TYR: variants seen among roughly 807,000 people sequenced by gnomAD.
TYR encodes tyrosinase, also known as LB24-AB.
Under a neutral mutation model 51.5 loss-of-function variants are expected in TYR, and 58 were observed. The ratio of observed to expected loss-of-function variants is 1.13; its 90% CI spans 0.91 to 1.40. The LOEUF (loss-of-function observed/expected upper bound fraction) is 1.40. Among genes scored for constraint, TYR ranks in the 40% most tolerant of loss-of-function variants. The pLI, the probability that TYR is intolerant of heterozygous loss-of-function variation, is 0.00. For synonymous variants in TYR, 263 were observed against 235.2 expected, an observed-to-expected ratio of 1.12 and a Z score of -1.08; for missense variants, 732 against 647.4, an observed-to-expected ratio of 1.13 and a Z score of -1.42.
intron 2 of TYR, among the ~76,000 whole-genome samples, chr11:89,196,183 C>T (rs1057338454): frequency 6.6e-6 from 1 of 152,080 alleles, no homozygotes; most frequent in Non-Finnish European, 1.5e-5. Flanking sequence ...TTACTGACAA[C>T]TTAGCAATCA....
chr11:89,257,362 G>A (rs576914331), intron 3 of TYR, among the ~76,000 whole-genome samples: 59 of 151,868 alleles, frequency 3.9e-4, no homozygotes, highest in Middle Eastern at 3.4e-3. Flanking sequence ...TTTTTCAAAC[G>A]AAGATTATTT....
At chr11:89,215,989 T>C (rs1174426949) in intron 2 of TYR, among the ~76,000 whole-genome samples, 1 of 152,210 alleles carries the variant, frequency 6.6e-6, no homozygotes, top group Non-Finnish European at 1.5e-5. Context: ...ATTTTTAGGA[T>C]TTATACAACA....
At chr11:89,280,415 G>A (rs1338692745) in intron 3 of TYR, among the ~76,000 whole-genome samples, 1 of 151,020 alleles carries the variant, frequency 6.6e-6, no homozygotes, top group Non-Finnish European at 1.5e-5. Flanking sequence ...TCTTTTCTTG[G>A]CCATATCAAT....
intron 2 of TYR, among the ~76,000 whole-genome samples, chr11:89,216,751 G>C (rs1943837965): frequency 6.6e-6 from 1 of 150,748 alleles, no homozygotes; most frequent in African/African-American, 2.4e-5. Flanking sequence ...AGATCTTCAA[G>C]ATCTGGTAGT....
intron 2 of TYR, among the ~76,000 whole-genome samples, chr11:89,202,189 A>G (rs1242542216): frequency 1.3e-5 from 2 of 152,136 alleles, no homozygotes; most frequent in Non-Finnish European, 2.9e-5. Flanking sequence ...ACACCCACAC[A>G]CTTATTTTTG....
chr11:89,212,565 G>A (rs904288969), intron 2 of TYR, among the ~76,000 whole-genome samples: 13 of 145,844 alleles, frequency 8.9e-5, no homozygotes, highest in Non-Finnish European at 1.2e-4. Context: ...GAAAAACAGG[G>A]AATCCTTCTT....
At chr11:89,197,611 T>C (rs1943537405) in intron 2 of TYR, among the ~76,000 whole-genome samples, 1 of 152,082 alleles carries the variant, frequency 6.6e-6, no homozygotes, top group Admixed American at 6.6e-5. Flanking sequence ...TTAGTGGCAT[T>C]AGTAGAATGC....
At chr11:89,238,252 T>C (rs1944145133) in intron 3 of TYR, among the ~76,000 whole-genome samples, 1 of 152,220 alleles carries the variant, frequency 6.6e-6, no homozygotes, top group South Asian at 2.1e-4. Flanking sequence ...TGTTTAAATT[T>C]ATTCCTAAGA....
rs189667954 is a variant in TYR at position 89,208,259 on chromosome 11, G to C, written c.1036+16841G>C. Among the ~76,000 whole-genome samples the C allele has an allele frequency of 3.2e-4, 48 of 152,302 alleles. 1 individual carries two copies. The East Asian group carries it at 8.5e-3, about 27-fold the overall frequency. On this transcript the variant is annotated intron_variant, in intron 2 of 4. Transcript: ENST00000263321. ...CACTCCAGCCTGGGCAACAGAGCAA[G>C]ACTCCGTCTCAAGAAAAGAAAAAAA...
intron 3 of TYR, among the ~76,000 whole-genome samples, chr11:89,271,672 C>G (rs1944590111): frequency 6.6e-6 from 1 of 151,818 alleles, no homozygotes; most frequent in African/African-American, 2.4e-5. Flanking sequence ...ATTGACTCTT[C>G]CTTTCAAAAA....
chr11:89,265,973 T>C (rs1944521943), intron 3 of TYR, among the ~76,000 whole-genome samples: 1 of 151,996 alleles, frequency 6.6e-6, no homozygotes, highest in South Asian at 2.1e-4. Context: ...GGTAAGTACA[T>C]GGGAGGATAT....
At position 89,284,835 on chromosome 11, in the gene TYR, C is replaced by A. The variant is rs762748964; in HGVS notation, c.1247C>A (p.Ala416Glu). ...CAAGAAGTTTATCCAGAAGCCAATG[C>A]ACCCATTGGACATAACCGGGAATCC... Reference protein sequence around the residue: ...PLQEVYPEANAPIGHNRESYM... With the variant: ...PLQEVYPEANEPIGHNRESYM... Residue 416 changes from alanine (A) to glutamate (E), a missense_variant, in exon 4 of 5, where the codon GCA (alanine) becomes GAA (glutamate). Physicochemically the swap from Ala to Glu is moderately radical, Grantham distance 107. Transcript: ENST00000263321. 1 of 1,611,860 alleles carries A rather than the reference C, an allele frequency of 6.2e-7. No individual in the cohort carries two copies. The highest frequency in any genetic ancestry group is 1.1e-5 in the South Asian group (1 of 91,034).
chr11:89,198,353 C>T (rs1211802591), intron 2 of TYR, among the ~76,000 whole-genome samples: 1 of 152,014 alleles, frequency 6.6e-6, no homozygotes, highest in African/African-American at 2.4e-5. Flanking sequence ...AACTATTTCC[C>T]TAGTATCTTC....
intron 4 of TYR, among the ~76,000 whole-genome samples, chr11:89,292,427 A>T (rs1047333323): frequency 4.6e-5 from 7 of 152,106 alleles, no homozygotes; most frequent in Non-Finnish European, 8.8e-5. Context: ...AGGAAATGCT[A>T]AGCCAGTAAC....
At position 89,206,938 on chromosome 11, in the gene TYR, C is replaced by A. The variant is rs766758360; in HGVS notation, c.1036+15520C>A. Among the ~76,000 whole-genome samples the A allele has an allele frequency of 3.3e-5, 5 of 152,060 alleles. No individual in the cohort carries two copies. In the South Asian group the frequency reaches 1.0e-3, roughly 32 times the overall value. On this transcript the variant is annotated intron_variant, in intron 2 of 4. Coordinates refer to ENST00000263321, the MANE Select transcript of TYR (RefSeq NM_000372.5). The stretch of plus-strand genomic sequence containing the variant: ...ACATTTAAATAAATAAAATTAAAAA[C>A]CAAACTTACCAAAATTTGTCAGACA...
In TYR at chr11:89,178,385, C is replaced by G. The variant is rs779150184; in HGVS notation, c.432C>G (p.Thr144=). The change falls in exon 1 of 5, where the codon ACC becomes ACG. Residue 144 remains threonine (T), a synonymous_variant. Coordinates refer to ENST00000263321, the MANE Select transcript of TYR (RefSeq NM_000372.5). ...FFAYLTLAKH[T]ISSDYVIPIG... is the part of the protein sequence containing the mutation. ...CCTACCTCACTTTAGCAAAGCATACCATCAGCTCAGACTATGTCATCCCCA... is the reference window on the plus strand; with the variant it reads ...CCTACCTCACTTTAGCAAAGCATACGATCAGCTCAGACTATGTCATCCCCA... The G allele has an allele frequency of 6.2e-7, 1 of 1,614,164 alleles. No individual in the cohort carries two copies. The highest frequency in any genetic ancestry group is 1.1e-5 in the South Asian group (1 of 91,086).
At chr11:89,206,817 A>G (rs772177549) in intron 2 of TYR, among the ~76,000 whole-genome samples, 6 of 152,172 alleles carry the variant, frequency 3.9e-5, no homozygotes, top group African/African-American at 7.2e-5. Flanking sequence ...CTAGAAATCA[A>G]TAACATGAGG....
chr11:89,284,886 A>G lies in TYR; in HGVS notation c.1298A>G (p.Tyr433Cys), dbSNP rs1944764003. The change falls in exon 4 of 5, where the codon TAC becomes TGC. Residue 433 changes from tyrosine (Y) to cysteine (C), a missense_variant. By Grantham distance (194) the Tyr-to-Cys change is radical. Transcript: ENST00000263321. Reference protein sequence around the residue: ...ESYMVPFIPLYRNGDFFISSK... With the variant: ...ESYMVPFIPLCRNGDFFISSK... ...TACATGGTTCCTTTTATACCACTGTACAGAAATGGTGATTTCTTTATTTCA... is the reference window on the plus strand; with the variant it reads ...TACATGGTTCCTTTTATACCACTGTGCAGAAATGGTGATTTCTTTATTTCA... The G allele has an allele frequency of 1.9e-6, 3 of 1,611,798 alleles. No individual in the cohort carries two copies. Among genetic ancestry groups the G allele is most frequent in the South Asian group, 2.2e-5 (2 of 91,036 alleles).
At chr11:89,205,403 A>T (rs4399330) in intron 2 of TYR, among the ~76,000 whole-genome samples, 35,627 of 152,052 alleles carry the variant, frequency 0.23, 6,476 homozygotes, top group African/African-American at 0.51. Context: ...TTAAAGAATC[A>T]GAGTTAAACC....
Sources: gnomAD v4.1 joint callset for allele counts (sites outside exome capture counted in the v4.1 genomes callset) on GRCh38, gnomAD v4.1.1 for gene constraint, MANE v1.5 for transcripts, NCBI Gene and HGNC (gene_info 2026-07-23, HGNC 2026-07-21) for gene names.